UGT1A8: variants seen among roughly 807,000 people sequenced by gnomAD.
UGT1A8 encodes the protein UDP-glucuronosyltransferase 1A8.
UGT1A8 carries 39 observed loss-of-function variants against 45.3 expected under a neutral mutation model. The ratio of observed to expected loss-of-function variants is 0.86; its 90% CI spans 0.67 to 1.12. The LOEUF (loss-of-function observed/expected upper bound fraction) is 1.12, where lower values mean the gene tolerates loss of function less well. Among genes scored for constraint, UGT1A8 ranks in the 50% most tolerant of loss-of-function variants. The pLI is 0.00. For synonymous variants in UGT1A8, 275 were observed against 249.2 expected, an observed-to-expected ratio of 1.10 and a Z score of -0.97; for missense variants, 719 against 664.9, an observed-to-expected ratio of 1.08 and a Z score of -0.90.
At chr2:233,768,541 A>G in intron 4 of UGT1A8, 102 bp downstream of exon 4, 3 of 1,492,216 alleles carry the variant, frequency 2.0e-6, no homozygotes, top group South Asian at 1.3e-5. Context: ...GTTGTTTCAA[A>G]TATAAAAACA....
At position 233,746,588 on chromosome 2, in the gene UGT1A8, TGA is replaced by T. The variant is rs1470732385; in HGVS notation, c.856-20444_856-20443del. Among the ~76,000 whole-genome samples the T allele has an allele frequency of 2.0e-5, 3 of 151,754 alleles. 1 individual carries two copies. The highest frequency in any genetic ancestry group is 7.3e-5 in the African/African-American group (3 of 41,048). On this transcript the variant is annotated intron_variant, in intron 1 of 4. Coordinates refer to ENST00000373450, the MANE Select transcript of UGT1A8 (RefSeq NM_019076.5). ...ACCACACCCTGTAATTGCCTAGTTG[TGA>T]GTTTGTCTCTGTTCACCTGACCCCT...
rs2077098328 is a variant in UGT1A8, at chr2:233,723,542, AT to A, written c.856-43485del. ...TTTTTTTTTTTTTTTTTTTTAATTT[AT>A]TTTTTTATTGATAATTCTTGGGTGT... On this transcript the variant is annotated intron_variant, in intron 1 of 4. Coordinates refer to ENST00000373450, the MANE Select transcript of UGT1A8 (RefSeq NM_019076.5). 4.0e-5 allele frequency among the ~76,000 whole-genome samples: 3 copies of A among 74,540 alleles called. No individual in the cohort carries two copies. The East Asian group carries it at 1.2e-3, about 29-fold the overall frequency. 48.9% of individuals were successfully genotyped at this position (74,540 alleles called of 152,430 possible).
intron 1 of UGT1A8, among the ~76,000 whole-genome samples, chr2:233,715,756 A>G (rs1346820897): frequency 1.3e-5 from 2 of 152,236 alleles, no homozygotes; most frequent in East Asian, 1.9e-4. Context: ...TGAGTGACAG[A>G]GCGAGGACCC....
At chr2:233,700,149 G>A (rs142795640) in intron 1 of UGT1A8, among the ~76,000 whole-genome samples, 1 of 152,174 alleles carries the variant, frequency 6.6e-6, no homozygotes, top group Non-Finnish European at 1.5e-5. Context: ...TCTCCCTATA[G>A]GGGTCTTTAC....
intron 1 of UGT1A8, among the ~76,000 whole-genome samples, chr2:233,706,634 CTG>C (rs969226028): frequency 6.6e-6 from 1 of 152,204 alleles, no homozygotes; most frequent in African/African-American, 2.4e-5. Flanking sequence ...AGTGTTTCTA[CTG>C]TGTCTGTGCC....
intron 1 of UGT1A8, among the ~76,000 whole-genome samples, chr2:233,718,559 T>C (rs2076663829): frequency 6.6e-6 from 1 of 152,220 alleles, no homozygotes; most frequent in South Asian, 2.1e-4. Flanking sequence ...AAAGAAGAGC[T>C]TGAACTTGGA....
At chr2:233,729,603 A>G (rs7574296) in intron 1 of UGT1A8, 749,893 of 1,613,688 alleles carry the variant, frequency 0.46, 180,593 homozygotes, top group African/African-American at 0.76. Context: ...TCTGCGCGGC[A>G]GTGCTGGCTA....
intron 1 of UGT1A8, among the ~76,000 whole-genome samples, chr2:233,683,083 C>T (rs1021173198): frequency 2.0e-5 from 3 of 151,994 alleles, no homozygotes; most frequent in African/African-American, 4.8e-5. Context: ...TGAAACTTCC[C>T]TTTTTTTGCT....
intron 1 of UGT1A8, chr2:233,756,307 C>T (rs1373805537): frequency 6.6e-6 from 1 of 152,200 alleles, no homozygotes; most frequent in Non-Finnish European, 1.5e-5. Context: ...ATATAACCTA[C>T]CCATATCCTC....
In UGT1A8 at chr2:233,772,279, T is replaced by G. The variant is rs202172337; in HGVS notation, c.1313T>G (p.Met438Arg). Residue 438 changes from methionine to arginine, a missense_variant, in exon 5 of 5, where the codon ATG (methionine) becomes AGG (arginine). By Grantham distance (91) the Met-to-Arg change is moderately conservative. Transcript: ENST00000373450. ...INDKSYKENI[M>R]RLSSLHKDRP... The stretch of plus-strand genomic sequence containing the variant: ...GTGTTTAGTTACAAGGAGAACATCA[T>G]GCGCCTCTCCAGCCTTCACAAGGAC... 1.9e-6 allele frequency: 3 copies of G among 1,614,146 alleles called. No homozygotes were observed. The African/African-American group carries it at 4.0e-5, about 22-fold the overall frequency.
At chr2:233,724,300 C>A (rs1204740758) in intron 1 of UGT1A8, among the ~76,000 whole-genome samples, 1 of 143,820 alleles carries the variant, frequency 7.0e-6, no homozygotes, top group Non-Finnish European at 1.5e-5. Context: ...GACCCCCCCA[C>A]CTCCCTCCCG....
intron 1 of UGT1A8, chr2:233,748,181 C>A: frequency 1.3e-6 from 2 of 1,573,702 alleles, no homozygotes; most frequent in Non-Finnish European, 1.7e-6. Flanking sequence ...CTTTCTGGTG[C>A]TTTTATTTCT....
rs189644754 is a variant in UGT1A8 at position 233,743,962 on chromosome 2, C to T, written c.856-23072C>T. 923 of 1,331,616 alleles carry T rather than the reference C, an allele frequency of 6.9e-4. 28 individuals are homozygous for T. The African/African-American group carries it at 0.013, about 18-fold the overall frequency. The allele number at this position is 1,331,616 out of a possible 1,614,324, so 82.5% of individuals were successfully genotyped here. On this transcript the variant is annotated intron_variant, in intron 1 of 4. Coordinates refer to ENST00000373450, the MANE Select transcript of UGT1A8 (RefSeq NM_019076.5). ...CACCAGGCACTGGCACAGCGAGCGG[C>T]AAGGCTGCCAGCACCCAGGCGCAGG...
chr2:233,652,231 C>T (rs1348097384), intron 1 of UGT1A8, among the ~76,000 whole-genome samples: 1 of 152,158 alleles, frequency 6.6e-6, no homozygotes, highest in Non-Finnish European at 1.5e-5. Flanking sequence ...TGTTAATGGG[C>T]AAGTCCAAGG....
chr2:233,668,165 C>T (rs139982547), intron 1 of UGT1A8, among the ~76,000 whole-genome samples: 164 of 152,200 alleles, frequency 1.1e-3, no homozygotes, highest in African/African-American at 3.7e-3. Flanking sequence ...ATTAACTCGT[C>T]ATTTACATTA....
intron 1 of UGT1A8, among the ~76,000 whole-genome samples, chr2:233,650,190 G>A (rs1452994779): frequency 9.2e-5 from 14 of 152,076 alleles, no homozygotes; most frequent in South Asian, 2.1e-4. Flanking sequence ...GGCTGGTCTC[G>A]AACTCCTGAC....
At chr2:233,761,302 C>T (rs1697737544) in intron 1 of UGT1A8, 1 of 1,473,836 alleles carries the variant, frequency 6.8e-7, no homozygotes, top group Non-Finnish European at 9.2e-7. Context: ...AGGTTTGAGT[C>T]TGTCTTTGGC....
chr2:233,719,375 A>G, intron 1 of UGT1A8: 1 of 1,613,982 alleles, frequency 6.2e-7, no homozygotes, highest in Non-Finnish European at 8.5e-7. Context: ...TTAAGGGCAC[A>G]CAGTGTCCAA....
At chr2:233,631,831 A>C (rs1368249509) in intron 1 of UGT1A8, among the ~76,000 whole-genome samples, 1 of 152,048 alleles carries the variant, frequency 6.6e-6, no homozygotes, top group Non-Finnish European at 1.5e-5. Context: ...GAAGCTGTTT[A>C]GTTTAATTAG....
Sources: allele counts gnomAD v4.1 joint callset (sites outside exome capture counted in the v4.1 genomes callset), GRCh38; gene constraint gnomAD v4.1.1; transcripts MANE v1.5; gene names NCBI Gene and HGNC (gene_info 2026-07-23, HGNC 2026-07-21).